The following GLIS3 variants were observed in gnomAD, a reference collection of about 807,000 sequenced individuals.
GLIS3 encodes zinc finger protein GLIS3.
Under a neutral mutation model 78.6 loss-of-function variants are expected in GLIS3, and 53 were observed. The observed-to-expected ratio is 0.67, with a 90% CI of 0.54 to 0.85. The LOEUF (loss-of-function observed/expected upper bound fraction) is 0.85. Among genes scored for constraint, GLIS3 ranks in the 40% least tolerant of loss-of-function variants. GLIS3 has a pLI of 0.00. For synonymous variants in GLIS3, 684 were observed against 509.9 expected, an observed-to-expected ratio of 1.34 and a Z score of -4.60; for missense variants, 1,703 against 1,231.1, an observed-to-expected ratio of 1.38 and a Z score of -5.74.
At chr9:4,342,350 T>G (rs1037937877) in intron 2 of GLIS3, among the ~76,000 whole-genome samples, 1 of 152,194 alleles carries the variant, frequency 6.6e-6, no homozygotes, top group Non-Finnish European at 1.5e-5. Flanking sequence ...CCTGGTGCTT[T>G]CATCGCTTTC....
intron 6 of GLIS3, among the ~76,000 whole-genome samples, chr9:3,907,809 A>T (rs1823827175): frequency 6.6e-6 from 1 of 152,118 alleles, no homozygotes; most frequent in South Asian, 2.1e-4. Flanking sequence ...GTTCTCTTGC[A>T]AGTGCGTCCT....
chr9:3,934,241 T>C (rs1588261788), intron 5 of GLIS3, among the ~76,000 whole-genome samples: 1 of 152,192 alleles, frequency 6.6e-6, no homozygotes, highest in East Asian at 1.9e-4. Context: ...GGAGTGCAAC[T>C]AGCTAAGATC....
chr9:4,223,949 G>A (rs530285737), intron 2 of GLIS3, among the ~76,000 whole-genome samples: 15 of 151,766 alleles, frequency 9.9e-5, no homozygotes, highest in East Asian at 1.9e-4. Context: ...TAAACAATAC[G>A]GGGAAAATGC....
At chr9:4,461,686 G>C in the GLIS3 span, among the ~76,000 whole-genome samples, 3 of 152,086 alleles carry the variant, frequency 2.0e-5, no homozygotes, top group South Asian at 2.1e-4. Context: ...TGTACATTTT[G>C]GGGTAAAGCC....
At chr9:4,119,748 C>T (rs544489813) in intron 3 of GLIS3, among the ~76,000 whole-genome samples, 6 of 152,220 alleles carry the variant, frequency 3.9e-5, no homozygotes, top group Non-Finnish European at 7.3e-5. Context: ...TTACCCTTTA[C>T]AAACACACCC....
At chr9:3,929,591 A>AAT (rs2130767693) in intron 6 of GLIS3, among the ~76,000 whole-genome samples, 1 of 152,234 alleles carries the variant, frequency 6.6e-6, no homozygotes, top group East Asian at 1.9e-4. Context: ...AATGTCATTT[A>AAT]ATGTCTAGGG....
intron 4 of GLIS3, among the ~76,000 whole-genome samples, chr9:3,972,650 T>C (rs183517021): frequency 6.6e-6 from 1 of 152,322 alleles, no homozygotes; most frequent in Admixed American, 6.5e-5. Context: ...TGTAAAATAC[T>C]ATGAAATGTG....
At chr9:3,881,072 T>C (rs1821697285) in intron 7 of GLIS3, among the ~76,000 whole-genome samples, 1 of 152,164 alleles carries the variant, frequency 6.6e-6, no homozygotes, top group Admixed American at 6.5e-5. Context: ...ACTAACCTCA[T>C]TTATGCTCAG....
chr9:3,936,686 T>G (rs663967), intron 5 of GLIS3, among the ~76,000 whole-genome samples: 3,068 of 152,108 alleles, frequency 0.02, 111 homozygotes, highest in African/African-American at 0.071. Flanking sequence ...CGACTTGATA[T>G]CTCAATACTG....
chr9:3,961,369 T>C (rs2130882837), intron 4 of GLIS3, among the ~76,000 whole-genome samples: 1 of 152,314 alleles, frequency 6.6e-6, no homozygotes, highest in Middle Eastern at 3.4e-3. Flanking sequence ...TTGAATCTGA[T>C]ATGTGACCAA....
the GLIS3 span, among the ~76,000 whole-genome samples, chr9:4,456,793 C>T: frequency 6.6e-6 from 1 of 152,180 alleles, no homozygotes; most frequent in East Asian, 1.9e-4. Flanking sequence ...AATGGAGGAA[C>T]AGCTGACCAG....
At chr9:4,453,357 A>AAAAAG in the GLIS3 span, among the ~76,000 whole-genome samples, 1 of 146,798 alleles carries the variant, frequency 6.8e-6, no homozygotes, top group African/African-American at 2.6e-5. Context: ...AAAAAAAAAA[A>AAAAAG]AAAAAAAGAA....
At chr9:4,151,908 C>T (rs1834711195) in intron 2 of GLIS3, among the ~76,000 whole-genome samples, 1 of 152,114 alleles carries the variant, frequency 6.6e-6, no homozygotes, top group East Asian at 1.9e-4. Flanking sequence ...TCCTTGGGCT[C>T]AACTCTTACC....
At chr9:4,064,388 A>C (rs1376639637) in intron 4 of GLIS3, among the ~76,000 whole-genome samples, 8 of 152,168 alleles carry the variant, frequency 5.3e-5, no homozygotes, top group African/African-American at 1.9e-4. Context: ...ACTACCAAAA[A>C]TTTAAAGCTT....
At chr9:3,965,319 G>A (rs975031603) in intron 4 of GLIS3, among the ~76,000 whole-genome samples, 2 of 147,346 alleles carry the variant, frequency 1.4e-5, no homozygotes, top group Admixed American at 6.9e-5. Context: ...TCAGCCTCCC[G>A]AATAGCTGGG....
At chr9:3,882,440 G>A (rs1015028065) in intron 7 of GLIS3, among the ~76,000 whole-genome samples, 10 of 152,212 alleles carry the variant, frequency 6.6e-5, no homozygotes, top group Non-Finnish European at 1.5e-4. Flanking sequence ...GAGGGACATG[G>A]TGCAGTTGAG....
At chr9:4,159,349 C>G (rs929050113) in intron 2 of GLIS3, among the ~76,000 whole-genome samples, 3 of 152,148 alleles carry the variant, frequency 2.0e-5, no homozygotes, top group African/African-American at 7.2e-5. Flanking sequence ...CATGTTCTAC[C>G]CTTTCTATGC....
At chr9:4,097,525 GC>G (rs1448166204) in intron 4 of GLIS3, among the ~76,000 whole-genome samples, 2 of 151,996 alleles carry the variant, frequency 1.3e-5, no homozygotes, top group Admixed American at 6.6e-5. Context: ...GACCACCTCC[GC>G]CAGCTTCCTC....
chr9:4,094,863 A>AT (rs1483006445), intron 4 of GLIS3, among the ~76,000 whole-genome samples: 1 of 152,118 alleles, frequency 6.6e-6, no homozygotes, highest in Non-Finnish European at 1.5e-5. Context: ...TATTTGCTAT[A>AT]TATCAAATGA....
Sources: allele counts gnomAD v4.1 joint callset (sites outside exome capture counted in the v4.1 genomes callset), GRCh38; gene constraint gnomAD v4.1.1; transcripts MANE v1.5; gene names NCBI Gene and HGNC (gene_info 2026-07-23, HGNC 2026-07-21).